TAS2R1: variants seen among roughly 807,000 people sequenced by gnomAD.
TAS2R1 encodes taste 2 receptor member 1.
For missense variants in TAS2R1, 370 were observed against 353.4 expected (o/e 1.05, Z -0.38); for synonymous variants, 141 against 134.2 (o/e 1.05, Z -0.35).
chr5:9,880,450 G>A, the TAS2R1 span, among the ~76,000 whole-genome samples: 1 of 152,202 alleles, frequency 6.6e-6, no homozygotes, highest in South Asian at 2.1e-4. Context: ...CAACTGCACT[G>A]TTCAAGGAAC....
At chr5:9,809,918 C>T in the TAS2R1 span, among the ~76,000 whole-genome samples, 1 of 152,196 alleles carries the variant, frequency 6.6e-6, no homozygotes, top group Admixed American at 6.5e-5. Flanking sequence ...ATCTGACATG[C>T]CTAAAAGTGA....
At chr5:9,779,013 GT>G in the TAS2R1 span, among the ~76,000 whole-genome samples, 2 of 152,210 alleles carry the variant, frequency 1.3e-5, no homozygotes, top group Admixed American at 6.5e-5. Context: ...TGGTTTGGAT[GT>G]TTTTTCCCCT....
Position 9,629,566 on chromosome 5 carries a change from A to G in TAS2R1, c.467T>C (p.Leu156Pro). The change falls in exon 1 of 1, where the codon CTA becomes CCA. Residue 156 changes from leucine to proline, a missense_variant. Coordinates refer to ENST00000382492, the MANE Select transcript of TAS2R1 (RefSeq NM_019599.3). ...GGCATTTTGGGAGAAAAATTTCCTTAGGAAGTATGGGACCATAAACCCTGC... is the reference window on the plus strand; with the variant it reads ...GGCATTTTGGGAGAAAAATTTCCTTGGGAAGTATGGGACCATAAACCCTGC... ...KYAGFMVPYF[L>P]RKFFSQNATI... 6.2e-7 allele frequency: 1 copy of G among 1,614,080 alleles called. No individual in the cohort carries two copies. The highest frequency in any genetic ancestry group is 8.5e-7 in the Non-Finnish European group (1 of 1,179,994).
At chr5:9,656,812 C>T (rs755995076) in intron 2 of TAS2R1, among the ~76,000 whole-genome samples, 1 of 152,164 alleles carries the variant, frequency 6.6e-6, no homozygotes, top group Non-Finnish European at 1.5e-5. Context: ...ACTTTTTTGA[C>T]CTGGCAGTTC....
At chr5:9,637,764 T>A (rs1196239641) in intron 2 of TAS2R1, among the ~76,000 whole-genome samples, 1 of 152,208 alleles carries the variant, frequency 6.6e-6, no homozygotes, top group Non-Finnish European at 1.5e-5. Flanking sequence ...AGTGTATCTT[T>A]TATTTCCAGA....
At chr5:9,665,769 T>C (rs1284425569) in intron 1 of TAS2R1, among the ~76,000 whole-genome samples, 1 of 152,224 alleles carries the variant, frequency 6.6e-6, no homozygotes, top group African/African-American at 2.4e-5. Context: ...TTGTCTGGCA[T>C]ATAGTTAGCA....
chr5:9,640,660 C>T (rs536150914), intron 2 of TAS2R1, among the ~76,000 whole-genome samples: 30 of 152,222 alleles, frequency 2.0e-4, no homozygotes, highest in Middle Eastern at 3.4e-3. Flanking sequence ...CTGCACCTGT[C>T]CTTTCTATTG....
chr5:9,828,720 A>G, the TAS2R1 span, among the ~76,000 whole-genome samples: 1 of 152,224 alleles, frequency 6.6e-6, no homozygotes, highest in Non-Finnish European at 1.5e-5. Context: ...AGTGGGAGAT[A>G]ACTTATTCTG....
the TAS2R1 span, among the ~76,000 whole-genome samples, chr5:9,835,867 T>A: frequency 3.9e-5 from 6 of 152,258 alleles, no homozygotes; most frequent in East Asian, 9.7e-4. Context: ...GTAGGAAAAA[T>A]CATTTAGGAA....
chr5:9,653,916 G>A lies in TAS2R1; in HGVS notation c.-81+5505C>T, dbSNP rs192350482. ...AAGTGATTTCTGTGTCTGCAGGTAAGGTTACAGCTGGCTTTGTGGTTAGTA... is the reference window on the plus strand; with the variant it reads ...AAGTGATTTCTGTGTCTGCAGGTAAAGTTACAGCTGGCTTTGTGGTTAGTA... On this transcript the variant is annotated intron_variant, in intron 2 of 2. Transcript: ENST00000506620. Among the ~76,000 whole-genome samples, 9 of 152,240 alleles carry A rather than the reference G, an allele frequency of 5.9e-5. No individual in the cohort carries two copies. In the East Asian group the frequency reaches 1.5e-3, roughly 26 times the overall value.
rs77657295 is a variant in TAS2R1 at position 9,684,617 on chromosome 5, G to A, written c.-241-25036C>T. Among the ~76,000 whole-genome samples the A allele has an allele frequency of 6.8e-3, 1,033 of 152,226 alleles. 8 individuals are homozygous for A. Among genetic ancestry groups the A allele is most frequent in the African/African-American group, 0.023 (947 of 41,532 alleles). On this transcript the variant is annotated intron_variant, in intron 1 of 2. Coordinates refer to the TAS2R1 transcript ENST00000506620. ...TAGCTCACTATAGCTGCAAACTCCC[G>A]GGCTTAAGTGTTCCTCCTGTCTCAG... is the stretch of plus-strand genomic sequence containing the variant.
At chr5:9,646,438 G>C (rs913357032) in intron 2 of TAS2R1, among the ~76,000 whole-genome samples, 3 of 152,140 alleles carry the variant, frequency 2.0e-5, no homozygotes, top group African/African-American at 7.2e-5. Context: ...TTGCATATAT[G>C]TGGCTGCACA....
chr5:9,852,617 A>G, the TAS2R1 span, among the ~76,000 whole-genome samples: 2 of 152,234 alleles, frequency 1.3e-5, no homozygotes, highest in African/African-American at 4.8e-5. Flanking sequence ...GTGTTAAGCA[A>G]TTATAAATTG....
At chr5:9,652,414 T>A (rs1447632855) in intron 2 of TAS2R1, among the ~76,000 whole-genome samples, 1 of 152,176 alleles carries the variant, frequency 6.6e-6, no homozygotes, top group East Asian at 1.9e-4. Flanking sequence ...TGTGGGCTAC[T>A]CCGGGGCTGG....
At chr5:9,677,831 T>C (rs964180511) in intron 1 of TAS2R1, among the ~76,000 whole-genome samples, 1 of 152,170 alleles carries the variant, frequency 6.6e-6, no homozygotes, top group Non-Finnish European at 1.5e-5. Context: ...ATTCACCCAA[T>C]TGATTAGAAA....
chr5:9,706,991 C>T (rs114537113), intron 1 of TAS2R1, among the ~76,000 whole-genome samples: 1,818 of 152,272 alleles, frequency 0.012, 27 homozygotes, highest in Non-Finnish European at 0.015. Flanking sequence ...GTCCCCTGCA[C>T]ACACACATAT....
chr5:9,725,256 C>T, the TAS2R1 span, among the ~76,000 whole-genome samples: 31,212 of 152,246 alleles, frequency 0.21, 4,368 homozygotes, highest in African/African-American at 0.39. Flanking sequence ...GAGCCCCCTT[C>T]TGGGCTGGCC....
At chr5:9,893,375 T>C in the TAS2R1 span, among the ~76,000 whole-genome samples, 3 of 152,142 alleles carry the variant, frequency 2.0e-5, no homozygotes, top group Non-Finnish European at 4.4e-5. Context: ...CTTCTGTCCA[T>C]GAGTCTTTCA....
chr5:9,819,359 C>T, the TAS2R1 span, among the ~76,000 whole-genome samples: 1 of 152,338 alleles, frequency 6.6e-6, no homozygotes, highest in South Asian at 2.1e-4. Flanking sequence ...AGATCCATTA[C>T]ATGCGAGCTT....
Sources: gnomAD v4.1 joint callset for allele counts (sites outside exome capture counted in the v4.1 genomes callset) on GRCh38, gnomAD v4.1.1 for gene constraint, MANE v1.5 for transcripts, NCBI Gene and HGNC (gene_info 2026-07-23, HGNC 2026-07-21) for gene names.